The following POT1 variants were observed in gnomAD, a reference collection of about 807,000 sequenced individuals.
POT1 encodes protection of telomeres protein 1.
POT1 carries 47 observed loss-of-function variants against 78.5 expected under a neutral mutation model. That is an observed-to-expected ratio of 0.60 (90% CI 0.47 to 0.76). The LOEUF (loss-of-function observed/expected upper bound fraction) is 0.76. Among genes scored for constraint, POT1 ranks in the 30% least tolerant of loss-of-function variants. The pLI, the probability that POT1 is intolerant of heterozygous loss-of-function variation, is 0.00. For synonymous variants in POT1, 259 were observed against 260.7 expected (o/e 0.99, Z 0.06); for missense variants, 646 against 749.9 (o/e 0.86, Z 1.62).
intron 14 of POT1, 117 bp from the exon 15 acceptor site, chr7:124,835,531 A>C: frequency 9.1e-7 from 1 of 1,102,014 alleles, no homozygotes; most frequent in South Asian, 1.8e-5. Flanking sequence ...AGAAAAAGAC[A>C]ATGAATGTAT....
chr7:124,885,159 T>A (rs1796212911), intron 6 of POT1, among the ~76,000 whole-genome samples: 1 of 152,070 alleles, frequency 6.6e-6, no homozygotes, highest in African/African-American at 2.4e-5. Context: ...TGAGTCATTA[T>A]CAAAACCAAT....
chr7:124,923,610 A>C (rs957818522), intron 2 of POT1, among the ~76,000 whole-genome samples: 5 of 151,838 alleles, frequency 3.3e-5, no homozygotes, highest in African/African-American at 9.7e-5. Context: ...AACCTATTTA[A>C]GGAAATAATC....
At chr7:124,857,587 G>C (rs1795477233) in intron 9 of POT1, among the ~76,000 whole-genome samples, 1 of 152,194 alleles carries the variant, frequency 6.6e-6, no homozygotes, top group African/African-American at 2.4e-5. Flanking sequence ...TCAGAGAGAA[G>C]CAGCTTGACT....
At chr7:124,860,299 A>G (rs1795558680) in intron 8 of POT1, among the ~76,000 whole-genome samples, 2 of 152,208 alleles carry the variant, frequency 1.3e-5, no homozygotes, top group South Asian at 4.1e-4. Flanking sequence ...TATCTCAACA[A>G]GTGTATGTCT....
In POT1 at chr7:124,881,186, T is replaced by C. The variant is rs577761405; in HGVS notation, c.125-10145A>G. On this transcript the variant is annotated intron_variant, in intron 6 of 18. Coordinates refer to ENST00000357628, the MANE Select transcript of POT1 (RefSeq NM_015450.3). Reference sequence around the variant, plus strand: ...GACGATGTTTATTTTTAAAGTTATATATATATTTTCATATGAAAAAACACA... The same window carrying C: ...GACGATGTTTATTTTTAAAGTTATACATATATTTTCATATGAAAAAACACA... 6.6e-5 allele frequency among the ~76,000 whole-genome samples: 10 copies of C among 152,074 alleles called. No individual in the cohort carries two copies. In the East Asian group the frequency reaches 1.4e-3, roughly 21 times the overall value.
rs949444997 is a variant in POT1 at position 124,871,730 on chromosome 7, AATT to A, written c.125-692_125-690del. Among the ~76,000 whole-genome samples the A allele has an allele frequency of 7.0e-5, 7 of 100,246 alleles. 1 individual carries two copies. Among genetic ancestry groups the A allele is most frequent in the African/African-American group, 2.7e-4 (7 of 25,844 alleles). The allele number at this position is 100,246 out of a possible 152,430, so 65.8% of individuals were successfully genotyped here. A position where few individuals can be genotyped will look rare whatever the true frequency, so the allele number is the denominator to read the frequency against. On this transcript the variant is annotated intron_variant, in intron 6 of 18. Transcript: ENST00000357628. ...AAAACTGTAATAGATCCTGCCTTAA[AATT>A]TTTTTTTTTTTTTTGTAATTAACAT... is the stretch of plus-strand genomic sequence containing the variant.
At chr7:124,916,266 A>C (rs942869430) in intron 2 of POT1, among the ~76,000 whole-genome samples, 1 of 152,158 alleles carries the variant, frequency 6.6e-6, no homozygotes, top group African/African-American at 2.4e-5. Context: ...AAATAGATCA[A>C]TTTTACTTAT....
intron 6 of POT1, among the ~76,000 whole-genome samples, chr7:124,878,953 G>A (rs576294219): frequency 3.3e-5 from 5 of 151,708 alleles, no homozygotes; most frequent in South Asian, 2.1e-4. Flanking sequence ...TAAAGTTGAC[G>A]AATAAGAAAT....
chr7:124,871,979 C>G (rs2116570757), intron 6 of POT1, among the ~76,000 whole-genome samples: 1 of 152,238 alleles, frequency 6.6e-6, no homozygotes, highest in South Asian at 2.1e-4. Context: ...CTTATTCTTC[C>G]TAACTGAAAT....
chr7:124,923,759 A>T (rs1385144253), intron 2 of POT1, among the ~76,000 whole-genome samples: 1 of 151,828 alleles, frequency 6.6e-6, no homozygotes, highest in Non-Finnish European at 1.5e-5. Context: ...GTTAAAAAAA[A>T]AAAAATCTTA....
Position 124,822,459 on chromosome 7 carries a change from A to T in POT1, c.*1503T>A. ...GCCTATCATCATGAAGATTCATAGG[A>T]AGAGTTTTCCTTTGTTAACGTGGAG... On this transcript the variant is annotated 3_prime_UTR_variant, in exon 19 of 19. Transcript: ENST00000357628. The T allele has an allele frequency of 2.4e-6, 1 of 416,808 alleles. No individual in the cohort carries two copies. The allele number at this position is 416,808 out of a possible 1,614,324, so 25.8% of individuals were successfully genotyped here.
chr7:124,831,018 T>C (rs975377148), intron 15 of POT1, among the ~76,000 whole-genome samples: 5 of 152,270 alleles, frequency 3.3e-5, no homozygotes, highest in Non-Finnish European at 5.9e-5. Context: ...ATGGAATTCA[T>C]AGAGTAGGAA....
intron 9 of POT1, 114 bp downstream of exon 9, chr7:124,858,843 T>C (rs1251962658): frequency 1.7e-6 from 1 of 572,540 alleles, no homozygotes; most frequent in Non-Finnish European, 2.7e-6. Flanking sequence ...GAAATAAATA[T>C]AATTTCTAGA....
chr7:124,905,339 C>T (rs1326419832), intron 3 of POT1, among the ~76,000 whole-genome samples: 1 of 152,094 alleles, frequency 6.6e-6, no homozygotes, highest in Non-Finnish European at 1.5e-5. Context: ...CATCTACAAC[C>T]ATCTGATCTT....
intron 18 of POT1, among the ~76,000 whole-genome samples, 179 bp downstream of exon 18, chr7:124,825,073 C>T (rs1794596729): frequency 6.6e-6 from 1 of 152,042 alleles, no homozygotes; most frequent in Non-Finnish European, 1.5e-5. Flanking sequence ...AATTATGATT[C>T]ATAACTATTT....
intron 12 of POT1, among the ~76,000 whole-genome samples, chr7:124,845,124 A>G (rs543003757): frequency 6.6e-6 from 1 of 152,190 alleles, no homozygotes; most frequent in African/African-American, 2.4e-5. Context: ...TCAACATTAG[A>G]ACATTTAACT....
intron 7 of POT1, among the ~76,000 whole-genome samples, chr7:124,864,454 CTTAT>C (rs926898823): frequency 2.6e-5 from 4 of 152,010 alleles, no homozygotes; most frequent in African/African-American, 7.2e-5. Flanking sequence ...AGTCTACTAT[CTTAT>C]TTGTTTTCCT....
chr7:124,871,581 T>C (rs1235409190), intron 6 of POT1, among the ~76,000 whole-genome samples: 13 of 152,056 alleles, frequency 8.5e-5, no homozygotes, highest in Admixed American at 8.5e-4. Flanking sequence ...TGGTAATTCT[T>C]GCTAGTCACC....
At chr7:124,917,802 A>T (rs908404705) in intron 2 of POT1, among the ~76,000 whole-genome samples, 1 of 152,194 alleles carries the variant, frequency 6.6e-6, no homozygotes, top group African/African-American at 2.4e-5. Flanking sequence ...GTTTTAGAAC[A>T]ATGAAAAGAG....
Sources: gnomAD v4.1 joint callset for allele counts (sites outside exome capture counted in the v4.1 genomes callset) on GRCh38, gnomAD v4.1.1 for gene constraint, MANE v1.5 for transcripts, NCBI Gene and HGNC (gene_info 2026-07-23, HGNC 2026-07-21) for gene names.